PLOD2: variants seen among roughly 807,000 people sequenced by gnomAD.
The protein encoded by PLOD2 is procollagen-lysine,2-oxoglutarate 5-dioxygenase 2.
In PLOD2, 65 loss-of-function variants were observed where a neutral mutation model predicts 101.0. The ratio of observed to expected loss-of-function variants is 0.64; its 90% CI spans 0.53 to 0.79. The LOEUF (loss-of-function observed/expected upper bound fraction) is 0.79. Among genes scored for constraint, PLOD2 ranks in the 30% least tolerant of loss-of-function variants. The pLI is 0.00. For synonymous variants in PLOD2, 314 were observed against 302.9 expected, an observed-to-expected ratio of 1.04 and a Z score of -0.38; for missense variants, 909 against 914.6, an observed-to-expected ratio of 0.99 and a Z score of 0.08.
At position 146,070,718 on chromosome 3, in the gene PLOD2, T is replaced by C; in HGVS notation, c.2276A>G (p.Ter759=). The part of the protein sequence containing the change: ...RYIAVSFIDP[*] Reference sequence around the variant, plus strand: ...TCAATTCAATGAAAAGTAAATAACTTAGGGATCTATAAATGACACTGCAAT... The same window carrying C: ...TCAATTCAATGAAAAGTAAATAACTCAGGGATCTATAAATGACACTGCAAT... The change falls in exon 20 of 20, where the codon TAA becomes TGA. Residue 759 remains the stop codon, a stop_retained_variant. Transcript: ENST00000282903. The C allele has an allele frequency of 1.9e-6, 3 of 1,595,584 alleles. No homozygotes were observed.
At chr3:146,113,596 G>A (rs1049124650) in intron 3 of PLOD2, among the ~76,000 whole-genome samples, 3 of 152,108 alleles carry the variant, frequency 2.0e-5, no homozygotes, top group Non-Finnish European at 2.9e-5. Flanking sequence ...AAGATTTCAT[G>A]GACATTTATC....
At chr3:146,119,305 T>A (rs1404174077) in intron 3 of PLOD2, among the ~76,000 whole-genome samples, 1 of 152,170 alleles carries the variant, frequency 6.6e-6, no homozygotes, top group East Asian at 1.9e-4. Flanking sequence ...CTGGCCAGCA[T>A]CATGTTTCCT....
intron 7 of PLOD2, among the ~76,000 whole-genome samples, chr3:146,093,064 T>C (rs1937031372): frequency 6.6e-6 from 1 of 152,130 alleles, no homozygotes; most frequent in Non-Finnish European, 1.5e-5. Flanking sequence ...TGTACCAAAG[T>C]GTCAACTAGA....
At chr3:146,095,126 C>A (rs1327479158) in intron 7 of PLOD2, among the ~76,000 whole-genome samples, 1 of 152,072 alleles carries the variant, frequency 6.6e-6, no homozygotes, top group Admixed American at 6.5e-5. Flanking sequence ...TAGATGAAAA[C>A]CTAGGCAATA....
At chr3:146,095,834 AAAG>A (rs1307863274) in intron 7 of PLOD2, among the ~76,000 whole-genome samples, 1 of 151,520 alleles carries the variant, frequency 6.6e-6, no homozygotes, top group Non-Finnish European at 1.5e-5. Flanking sequence ...TAGACTGGAT[AAAG>A]AAAATGTGGC....
chr3:146,084,329 GAAGT>G (rs1041726899), intron 11 of PLOD2, among the ~76,000 whole-genome samples: 39 of 151,882 alleles, frequency 2.6e-4, no homozygotes, highest in African/African-American at 8.7e-4. Context: ...TTAGATTTTT[GAAGT>G]AAGAACTAAA....
chr3:146,130,235 C>A (rs1271492206), intron 1 of PLOD2, among the ~76,000 whole-genome samples: 1 of 152,164 alleles, frequency 6.6e-6, no homozygotes, highest in Non-Finnish European at 1.5e-5. Context: ...GATGTGGCCA[C>A]TGCCTAGGTA....
Position 146,141,256 on chromosome 3 carries a change from G to A in PLOD2, c.110-17027C>T, listed in dbSNP as rs955851377. 3.9e-5 allele frequency among the ~76,000 whole-genome samples: 6 copies of A among 152,090 alleles called. No individual in the cohort carries two copies. The South Asian group carries it at 6.2e-4, about 16-fold the overall frequency. ...TTGCTGTATTCTATTAATGTGGACC[G>A]CTAATAAAATGATCACTACTGCATT... is the stretch of plus-strand genomic sequence containing the variant. On this transcript the variant is annotated intron_variant, in intron 1 of 19. Transcript: ENST00000282903.
chr3:146,148,338 G>GCGCGCA (rs71633958), intron 1 of PLOD2, among the ~76,000 whole-genome samples: 11 of 146,448 alleles, frequency 7.5e-5, no homozygotes, highest in African/African-American at 2.8e-4. Context: ...AGGCAGGCAC[G>GCGCGCA]CACACACACA....
At chr3:146,160,313 C>T (rs997592569) in intron 1 of PLOD2, among the ~76,000 whole-genome samples, 5 of 152,198 alleles carry the variant, frequency 3.3e-5, no homozygotes, top group African/African-American at 1.2e-4. Flanking sequence ...GCTTCCCCTT[C>T]AGATCCCAAA....
At chr3:146,153,659 T>C (rs554203419) in intron 1 of PLOD2, among the ~76,000 whole-genome samples, 1 of 152,300 alleles carries the variant, frequency 6.6e-6, no homozygotes, top group Non-Finnish European at 1.5e-5. Flanking sequence ...TCTATTTCGC[T>C]TGTTGCTGTG....
rs1480373661 is a variant in PLOD2, at chr3:146,083,876, C to T, written c.1232+1293G>A. On this transcript the variant is annotated intron_variant, in intron 11 of 19. Transcript: ENST00000282903. ...GATTACAGGCGTGAGCCACCACACC[C>T]GGCCGGGAATTTTTTTTCTTTTAGA... 2.0e-5 allele frequency among the ~76,000 whole-genome samples: 3 copies of T among 151,670 alleles called. No homozygotes were observed. In the East Asian group the frequency reaches 5.8e-4, roughly 29 times the overall value.
At chr3:146,100,603 A>G (rs1937352027) in intron 7 of PLOD2, among the ~76,000 whole-genome samples, 1 of 152,210 alleles carries the variant, frequency 6.6e-6, no homozygotes, top group South Asian at 2.1e-4. Flanking sequence ...AAAAGCATGT[A>G]TGTACAGAAG....
rs534430719 is a variant in PLOD2 at position 146,126,574 on chromosome 3, T to A, written c.110-2345A>T. On this transcript the variant is annotated intron_variant, in intron 1 of 19. Coordinates refer to ENST00000282903, the MANE Select transcript of PLOD2 (RefSeq NM_182943.3). ...GATGTCAGCAATAAAATTCAGAACA[T>A]GAGAAATTCTATAGGACAAATGATT... 2.0e-5 allele frequency among the ~76,000 whole-genome samples: 3 copies of A among 152,112 alleles called. No individual in the cohort carries two copies. The East Asian group carries it at 5.8e-4, about 29-fold the overall frequency.
At chr3:146,125,604 G>A (rs763785907) in intron 1 of PLOD2, among the ~76,000 whole-genome samples, 18 of 151,918 alleles carry the variant, frequency 1.2e-4, no homozygotes, top group African/African-American at 2.7e-4. Context: ...AAAATTAGTC[G>A]GGTATGGTGG....
intron 16 of PLOD2, 110 bp downstream of exon 16, chr3:146,073,177 C>A: frequency 1.9e-6 from 1 of 537,640 alleles, no homozygotes; most frequent in Non-Finnish European, 3.4e-6. Flanking sequence ...TAAATTTTAC[C>A]TAAAAGGTAG....
intron 5 of PLOD2, among the ~76,000 whole-genome samples, chr3:146,106,323 C>A (rs1327454586): frequency 1.3e-5 from 2 of 152,150 alleles, no homozygotes; most frequent in African/African-American, 2.4e-5. Context: ...AAAAGAGAAG[C>A]CATAAAGACA....
Position 146,083,575 on chromosome 3 carries a change from TTC to T in PLOD2, c.1232+1592_1232+1593del, listed in dbSNP as rs1491055827. ...GGCCCCAGATGGCAGGTAAGTCTTT[TTC>T]TTTTTTTTTTTTTTTTTTTTTTGAG... On this transcript the variant is annotated intron_variant, in intron 11 of 19. Coordinates refer to ENST00000282903, the MANE Select transcript of PLOD2 (RefSeq NM_182943.3). Among the ~76,000 whole-genome samples the T allele has an allele frequency of 1.4e-4, 13 of 94,038 alleles. 1 individual carries two copies. The highest frequency in any genetic ancestry group is 3.7e-4 in the East Asian group (1 of 2,700). The allele number at this position is 94,038 out of a possible 152,430, so 61.7% of individuals were successfully genotyped here.
chr3:146,102,894 CGT>C (rs761880448), intron 6 of PLOD2, 42 bp from the exon 7 acceptor site: 22 of 1,023,706 alleles, frequency 2.1e-5, no homozygotes, highest in Admixed American at 3.5e-5. Flanking sequence ...ATTTAAAATA[CGT>C]GTGTGTGTGT....
Sources: gnomAD v4.1 joint callset for allele counts (sites outside exome capture counted in the v4.1 genomes callset) on GRCh38, gnomAD v4.1.1 for gene constraint, MANE v1.5 for transcripts, NCBI Gene and HGNC (gene_info 2026-07-23, HGNC 2026-07-21) for gene names.